Variants in CADM2 observed in about 807,000 individuals in gnomAD.
CADM2 encodes the protein cell adhesion molecule 2, also known as immunoglobulin superfamily member 4D.
A neutral mutation model predicts 49.8 loss-of-function variants in CADM2; 12 were observed. That is an observed-to-expected ratio of 0.24 (90% confidence interval 0.15 to 0.39). The LOEUF is 0.39. CADM2 is among the 10% of genes least tolerant of loss of function. CADM2 has a pLI of 1.00. For missense variants in CADM2, 378 were observed against 492.3 expected, an observed-to-expected ratio of 0.77 and a Z score of 2.20; for synonymous variants, 214 against 175.4, an observed-to-expected ratio of 1.22 and a Z score of -1.74.
Position 86,071,713 on chromosome 3 carries a change from T to G in CADM2, c.*4930T>G. ...AAAAGCCAAGTTCTTCAGTGTATTC[T>G]ATGGTGTATGAATCTGCATTTGTTT... On this transcript the variant is annotated 3_prime_UTR_variant, in exon 10 of 10. Transcript: ENST00000383699. 6.6e-6 allele frequency: 1 copy of G among 152,010 alleles called. No homozygotes were observed. The highest frequency in any genetic ancestry group is 1.9e-4 in the East Asian group (1 of 5,198). 9.4% of individuals were successfully genotyped at this position (152,010 alleles called of 1,614,324 possible).
chr3:85,756,904 G>C (rs914056710), intron 2 of CADM2, among the ~76,000 whole-genome samples: 3 of 151,972 alleles, frequency 2.0e-5, no homozygotes, highest in African/African-American at 7.3e-5. Context: ...TTATATAATT[G>C]GATCTCCTGC....
chr3:85,980,078 A>T (rs73134140), intron 8 of CADM2, among the ~76,000 whole-genome samples: 1 of 151,468 alleles, frequency 6.6e-6, no homozygotes, highest in African/African-American at 2.4e-5. Flanking sequence ...CCATTATAGA[A>T]AAACATGGTT....
At chr3:85,567,704 C>T (rs1468709766) in intron 1 of CADM2, among the ~76,000 whole-genome samples, 1 of 152,034 alleles carries the variant, frequency 6.6e-6, no homozygotes, top group East Asian at 1.9e-4. Flanking sequence ...AAAATTGGCT[C>T]ACACAATTAT....
rs116160355 is a variant in CADM2 at position 85,879,897 on chromosome 3, T to C, written c.239-3394T>C. On this transcript the variant is annotated intron_variant, in intron 3 of 9. Coordinates refer to ENST00000383699, the MANE Select transcript of CADM2 (RefSeq NM_001167675.2). The stretch of plus-strand genomic sequence containing the variant: ...ATATGTTTAGTTCTAGACAATGTTG[T>C]TACATGTGTGGGTTCATGTATCCAT... 4.3e-3 allele frequency among the ~76,000 whole-genome samples: 650 copies of C among 152,304 alleles called. 5 individuals are homozygous for C. The highest frequency in any genetic ancestry group is 0.014 in the African/African-American group (600 of 41,564).
chr3:86,045,560 C>G (rs1245049538), intron 8 of CADM2, among the ~76,000 whole-genome samples: 2 of 152,124 alleles, frequency 1.3e-5, no homozygotes, highest in African/African-American at 4.8e-5. Flanking sequence ...TTCCTTTAAA[C>G]CGCCCTTCTC....
intron 1 of CADM2, among the ~76,000 whole-genome samples, chr3:85,446,599 T>C (rs867015658): frequency 8.9e-5 from 10 of 112,614 alleles, no homozygotes; most frequent in Middle Eastern, 5.4e-3. Context: ...TTTTTTTTGT[T>C]TTTTGTTTTT....
chr3:85,721,002 C>T (rs775175787), intron 1 of CADM2, among the ~76,000 whole-genome samples: 10 of 152,124 alleles, frequency 6.6e-5, no homozygotes, highest in East Asian at 5.8e-4. Flanking sequence ...TACATTTCGA[C>T]GCAGTAGATT....
chr3:85,863,156 C>T (rs2075600000), intron 3 of CADM2, among the ~76,000 whole-genome samples: 1 of 152,064 alleles, frequency 6.6e-6, no homozygotes, highest in African/African-American at 2.4e-5. Flanking sequence ...AAGATGAAAG[C>T]ATTTTATAAG....
intron 1 of CADM2, among the ~76,000 whole-genome samples, chr3:85,179,494 T>TG (rs1464978629): frequency 1.3e-5 from 2 of 151,732 alleles, no homozygotes; most frequent in South Asian, 2.1e-4. Context: ...TAGCAGGAAA[T>TG]CCTTTTTTTT....
At chr3:85,505,034 C>T (rs1447410920) in intron 1 of CADM2, among the ~76,000 whole-genome samples, 1 of 152,240 alleles carries the variant, frequency 6.6e-6, no homozygotes, top group South Asian at 2.1e-4. Flanking sequence ...CCGCGCGCAG[C>T]CCCGGTTCCC....
chr3:85,477,608 G>A (rs1245667334), intron 1 of CADM2, among the ~76,000 whole-genome samples: 1 of 151,910 alleles, frequency 6.6e-6, no homozygotes, highest in Admixed American at 6.6e-5. Context: ...AGATACTGCT[G>A]TGCAGTGTTA....
chr3:84,991,163 C>A (rs552647779), intron 1 of CADM2, among the ~76,000 whole-genome samples: 2 of 152,094 alleles, frequency 1.3e-5, no homozygotes, highest in East Asian at 3.9e-4. Context: ...AAGGATCTTT[C>A]CAGTATTTCA....
At chr3:85,220,713 T>C (rs1279535993) in intron 1 of CADM2, among the ~76,000 whole-genome samples, 3 of 152,064 alleles carry the variant, frequency 2.0e-5, no homozygotes, top group African/African-American at 7.2e-5. Flanking sequence ...CCCTTGTGAC[T>C]ATGGCCAGGA....
intron 8 of CADM2, among the ~76,000 whole-genome samples, chr3:86,018,443 G>A (rs1732626918): frequency 6.6e-6 from 1 of 151,692 alleles, no homozygotes; most frequent in Non-Finnish European, 1.5e-5. Context: ...GATCCCTGAG[G>A]AATCGCCACA....
intron 1 of CADM2, among the ~76,000 whole-genome samples, chr3:85,578,630 T>C (rs1224159222): frequency 6.6e-6 from 1 of 152,228 alleles, no homozygotes; most frequent in Non-Finnish European, 1.5e-5. Context: ...TCATGATACT[T>C]TGCAAAGGAA....
chr3:85,589,481 T>C (rs1022592428), intron 1 of CADM2, among the ~76,000 whole-genome samples: 10 of 151,990 alleles, frequency 6.6e-5, no homozygotes, highest in African/African-American at 2.4e-4. Context: ...ACTCCCTGTC[T>C]CAGAATTGTT....
intron 1 of CADM2, among the ~76,000 whole-genome samples, chr3:85,211,088 A>T (rs908085018): frequency 6.6e-6 from 1 of 152,136 alleles, no homozygotes; most frequent in Non-Finnish European, 1.5e-5. Context: ...GATCACTCAT[A>T]GTAGTCAAAA....
intron 1 of CADM2, among the ~76,000 whole-genome samples, chr3:85,015,612 A>AT (rs2107272138): frequency 6.6e-6 from 1 of 152,260 alleles, no homozygotes; most frequent in South Asian, 2.1e-4. Flanking sequence ...AGAAACCTTG[A>AT]TTTTGTCGGG....
chr3:85,713,152 A>C (rs1191019070), intron 1 of CADM2, among the ~76,000 whole-genome samples: 1 of 152,000 alleles, frequency 6.6e-6, no homozygotes, highest in Non-Finnish European at 1.5e-5. Flanking sequence ...GGCTGGAGTG[A>C]AGTGGCGCGA....
Sources: gnomAD v4.1 joint callset for allele counts (sites outside exome capture counted in the v4.1 genomes callset) on GRCh38, gnomAD v4.1.1 for gene constraint, MANE v1.5 for transcripts, NCBI Gene and HGNC (gene_info 2026-07-23, HGNC 2026-07-21) for gene names.